The following TRA2A variants were observed in gnomAD, a reference collection of about 807,000 sequenced individuals.
TRA2A encodes transformer-2 protein homolog alpha.
TRA2A carries 31 observed loss-of-function variants against 45.7 expected under a neutral mutation model. The ratio of observed to expected loss-of-function variants is 0.68; its 90% CI spans 0.51 to 0.92. The LOEUF is 0.92. Among genes scored for constraint, TRA2A ranks in the 40% least tolerant of loss-of-function variants. The pLI is 0.00. For synonymous variants in TRA2A, 132 were observed against 126.2 expected (o/e 1.05, Z -0.31); for missense variants, 304 against 367.5 (o/e 0.83, Z 1.41).
At chr7:23,513,216 AAG>A in intron 3 of TRA2A, 134 bp from the exon 4 acceptor site, 3 of 683,000 alleles carry the variant, frequency 4.4e-6, no homozygotes, top group Non-Finnish European at 7.0e-6. Flanking sequence ...ATAAGATTTT[AAG>A]AGAACTAGAG....
chr7:23,508,779 C>A (rs1005050299), intron 4 of TRA2A, among the ~76,000 whole-genome samples: 1 of 152,180 alleles, frequency 6.6e-6, no homozygotes, highest in Admixed American at 6.6e-5. Flanking sequence ...CAGGCGTAAG[C>A]CACCACGCCT....
chr7:23,523,910 C>CA (rs1790236296), intron 1 of TRA2A, among the ~76,000 whole-genome samples: 1 of 152,192 alleles, frequency 6.6e-6, no homozygotes, highest in African/African-American at 2.4e-5. Context: ...TTCCACAAAA[C>CA]AGACCCTGTG....
chr7:23,531,775 G>C lies in TRA2A; in HGVS notation c.36+14C>G, dbSNP rs773657238. On this transcript the variant is annotated intron_variant, in intron 1 of 7. Transcript: ENST00000297071. ...GGGCCGCCGCCTAGACGGCTCCCGC[G>C]GCTTTGTACTCACTCTGCCCTCGAA... 6.2e-7 allele frequency: 1 copy of C among 1,613,210 alleles called. No homozygotes were observed.
At chr7:23,523,718 C>G (rs1790229066) in intron 1 of TRA2A, among the ~76,000 whole-genome samples, 1 of 152,206 alleles carries the variant, frequency 6.6e-6, no homozygotes, top group South Asian at 2.1e-4. Flanking sequence ...CTAAACCACT[C>G]AACAGATGTC....
At chr7:23,529,746 GA>G (rs1423589377) in intron 1 of TRA2A, among the ~76,000 whole-genome samples, 1 of 151,720 alleles carries the variant, frequency 6.6e-6, no homozygotes, top group Admixed American at 6.6e-5. Flanking sequence ...TACCACTTGT[GA>G]AAAAAATATT....
At chr7:23,513,916 G>A (rs1304325726) in intron 3 of TRA2A, among the ~76,000 whole-genome samples, 1 of 152,120 alleles carries the variant, frequency 6.6e-6, no homozygotes, top group East Asian at 1.9e-4. Context: ...GGAATGTTGA[G>A]AAAGGTAAAA....
chr7:23,505,447 A>G lies in TRA2A; in HGVS notation c.*112T>C, dbSNP rs1321553982. 3.7e-6 allele frequency: 2 copies of G among 535,908 alleles called. No individual in the cohort carries two copies. The highest frequency in any genetic ancestry group is 6.7e-6 in the Non-Finnish European group (2 of 299,020). The allele number at this position is 535,908 out of a possible 1,614,324, so 33.2% of individuals were successfully genotyped here. A position where few individuals can be genotyped will look rare whatever the true frequency, so the allele number is the denominator to read the frequency against. On this transcript the variant is annotated 3_prime_UTR_variant, in exon 8 of 8. Transcript: ENST00000297071. ...AAAGTGTAGATGCTAAATAAACCAA[A>G]GTTTTTTTCTTAAGGAGTAGGAAGA...
At chr7:23,516,046 C>T (rs770155959) in intron 3 of TRA2A, among the ~76,000 whole-genome samples, 5 of 151,948 alleles carry the variant, frequency 3.3e-5, no homozygotes, top group Non-Finnish European at 5.9e-5. Flanking sequence ...GTGGTGCACA[C>T]CTGCAACCCC....
chr7:23,516,570 T>C, intron 2 of TRA2A, 42 bp from the exon 3 acceptor site: 2 of 1,588,320 alleles, frequency 1.3e-6, no homozygotes, highest in Non-Finnish European at 1.7e-6. Flanking sequence ...TGAAACAAAA[T>C]GGCTAAAGTC....
At chr7:23,528,899 TAAG>T in intron 1 of TRA2A, among the ~76,000 whole-genome samples, 1 of 152,214 alleles carries the variant, frequency 6.6e-6, no homozygotes, top group African/African-American at 2.4e-5. Context: ...AAGGAGGCAA[TAAG>T]AAGCGGTATT....
chr7:23,513,879 G>C (rs765297864), intron 3 of TRA2A, among the ~76,000 whole-genome samples: 10 of 152,174 alleles, frequency 6.6e-5, no homozygotes, highest in Non-Finnish European at 1.5e-4. Context: ...AGGCGGAGGA[G>C]AACAAAGGAA....
At chr7:23,528,205 CTG>C (rs1790417299) in intron 1 of TRA2A, among the ~76,000 whole-genome samples, 2 of 152,008 alleles carry the variant, frequency 1.3e-5, no homozygotes, top group East Asian at 3.8e-4. Context: ...TTTAAAAGTT[CTG>C]TGTTTTTTTT....
intron 1 of TRA2A, among the ~76,000 whole-genome samples, chr7:23,530,301 C>A (rs1009233583): frequency 6.6e-6 from 1 of 152,086 alleles, no homozygotes; most frequent in Non-Finnish European, 1.5e-5. Flanking sequence ...AAAAAAATTC[C>A]AATCAAAAGA....
At chr7:23,515,174 T>C (rs998350042) in intron 3 of TRA2A, among the ~76,000 whole-genome samples, 5 of 151,888 alleles carry the variant, frequency 3.3e-5, no homozygotes, top group African/African-American at 1.2e-4. Flanking sequence ...TATAACCCAG[T>C]ATTCCCAACT....
chr7:23,514,234 A>G (rs1449567545), intron 3 of TRA2A, among the ~76,000 whole-genome samples: 2 of 151,744 alleles, frequency 1.3e-5, no homozygotes, highest in Non-Finnish European at 2.9e-5. Flanking sequence ...CCCCCAGCTA[A>G]TTTTGTATTT....
At chr7:23,527,253 G>T (rs544855024) in intron 1 of TRA2A, among the ~76,000 whole-genome samples, 12 of 152,250 alleles carry the variant, frequency 7.9e-5, no homozygotes, top group Non-Finnish European at 1.2e-4. Flanking sequence ...TTTGGTGAAA[G>T]TCATGGGACA....
intron 1 of TRA2A, 198 bp downstream of exon 1, chr7:23,531,591 A>G (rs554936168): frequency 3.1e-5 from 19 of 612,470 alleles, no homozygotes; most frequent in Middle Eastern, 2.6e-4. Flanking sequence ...CCTCCAAAAA[A>G]GGGGGAGGGG....
intron 6 of TRA2A, 149 bp downstream of exon 6, chr7:23,505,989 A>T: frequency 1.3e-6 from 1 of 773,714 alleles, no homozygotes; most frequent in Non-Finnish European, 2.1e-6. Context: ...AAATACTGAC[A>T]TATACAGACT....
At chr7:23,529,305 T>C (rs1790467678) in intron 1 of TRA2A, among the ~76,000 whole-genome samples, 1 of 152,066 alleles carries the variant, frequency 6.6e-6, no homozygotes, top group African/African-American at 2.4e-5. Flanking sequence ...GAGACAAGAG[T>C]CTCATTCTGT....
Sources: gnomAD v4.1 joint callset for allele counts (sites outside exome capture counted in the v4.1 genomes callset) on GRCh38, gnomAD v4.1.1 for gene constraint, MANE v1.5 for transcripts, NCBI Gene and HGNC (gene_info 2026-07-23, HGNC 2026-07-21) for gene names.